Variants in GULP1 observed in about 807,000 individuals in gnomAD.
GULP1 encodes GULP PTB domain containing engulfment adaptor 1, also known as PTB domain-containing engulfment adapter protein 1.
In GULP1, 19 loss-of-function variants were observed where a neutral mutation model predicts 40.9. The ratio of observed to expected loss-of-function variants is 0.46; its 90% CI spans 0.32 to 0.68. The LOEUF is 0.68. GULP1 is among the 30% of genes least tolerant of loss of function. The pLI, the probability that GULP1 is intolerant of heterozygous loss-of-function variation, is 0.03. For synonymous variants in GULP1, 119 were observed against 117.6 expected (o/e 1.01, Z -0.08); for missense variants, 312 against 362.2 (o/e 0.86, Z 1.12).
chr2:188,344,210 T>G (rs1404268044), intron 1 of GULP1, among the ~76,000 whole-genome samples: 1 of 152,208 alleles, frequency 6.6e-6, no homozygotes, highest in Non-Finnish European at 1.5e-5. Context: ...TGAGGATATA[T>G]GCTTGTTTGG....
intron 7 of GULP1, among the ~76,000 whole-genome samples, chr2:188,558,148 A>G (rs1249431208): frequency 6.6e-6 from 1 of 152,098 alleles, no homozygotes; most frequent in Non-Finnish European, 1.5e-5. Context: ...CCTCTTTTCT[A>G]CCACATGGCC....
chr2:188,559,508 G>A (rs1695698621), intron 7 of GULP1, among the ~76,000 whole-genome samples: 1 of 152,196 alleles, frequency 6.6e-6, no homozygotes, highest in Admixed American at 6.5e-5. Context: ...CCCCCATACA[G>A]AGTCCCCACT....
chr2:188,408,939 G>A (rs1305166872), intron 2 of GULP1, among the ~76,000 whole-genome samples: 1 of 152,064 alleles, frequency 6.6e-6, no homozygotes, highest in African/African-American at 2.4e-5. Context: ...AATATCTTTA[G>A]ACAAGTGAAA....
chr2:188,345,455 C>T (rs1410597976), intron 1 of GULP1, among the ~76,000 whole-genome samples: 1 of 152,110 alleles, frequency 6.6e-6, no homozygotes, highest in Admixed American at 6.5e-5. Context: ...CCCAGGAAGA[C>T]AGGGGAACAA....
At chr2:188,293,794 AG>A (rs1248826744) in intron 1 of GULP1, 3 of 152,318 alleles carry the variant, frequency 2.0e-5, no homozygotes, top group African/African-American at 7.2e-5. Context: ...AAAAAAAGAG[AG>A]GAACCTGGCC....
At chr2:188,568,612 T>A (rs1698339199) in intron 7 of GULP1, among the ~76,000 whole-genome samples, 1 of 152,188 alleles carries the variant, frequency 6.6e-6, no homozygotes, top group African/African-American at 2.4e-5. Flanking sequence ...GGAGCTCTCA[T>A]ATAAAATTTC....
intron 1 of GULP1, among the ~76,000 whole-genome samples, chr2:188,377,104 G>A (rs1186303888): frequency 6.6e-6 from 1 of 151,898 alleles, no homozygotes; most frequent in African/African-American, 2.4e-5. Flanking sequence ...CCTGGGAGGC[G>A]GAGGTTGTGG....
chr2:188,501,635 T>C (rs531034823), intron 4 of GULP1, among the ~76,000 whole-genome samples: 4 of 152,050 alleles, frequency 2.6e-5, no homozygotes, highest in African/African-American at 9.6e-5. Context: ...GAAATGCCTC[T>C]TGTTAAAGAT....
intron 1 of GULP1, among the ~76,000 whole-genome samples, chr2:188,351,446 G>A (rs939270090): frequency 2.6e-5 from 4 of 152,070 alleles, no homozygotes; most frequent in Non-Finnish European, 5.9e-5. Flanking sequence ...ATGAGGGGTA[G>A]TAGGCTTTAA....
At chr2:188,470,958 G>C (rs888993888) in intron 2 of GULP1, among the ~76,000 whole-genome samples, 3 of 152,054 alleles carry the variant, frequency 2.0e-5, no homozygotes, top group Non-Finnish European at 4.4e-5. Context: ...GTTTGAAGTT[G>C]CTTTGTTAAT....
At chr2:188,520,069 C>G (rs2065586694) in intron 4 of GULP1, among the ~76,000 whole-genome samples, 1 of 152,168 alleles carries the variant, frequency 6.6e-6, no homozygotes, top group Non-Finnish European at 1.5e-5. Flanking sequence ...TGGCTGTCTT[C>G]CAATCTTGAT....
At chr2:188,469,810 C>T (rs541663123) in intron 2 of GULP1, among the ~76,000 whole-genome samples, 2 of 152,118 alleles carry the variant, frequency 1.3e-5, no homozygotes, top group African/African-American at 2.4e-5. Context: ...TTGAAATGAT[C>T]GTATGGTTTT....
chr2:188,424,213 TTTA>T (rs2055842545), intron 2 of GULP1, among the ~76,000 whole-genome samples: 1 of 151,852 alleles, frequency 6.6e-6, no homozygotes, highest in Non-Finnish European at 1.5e-5. Flanking sequence ...TTGCAAATAT[TTTA>T]TTGTTTTAAA....
chr2:188,472,451 C>G (rs1008044295), intron 2 of GULP1, among the ~76,000 whole-genome samples: 2 of 152,018 alleles, frequency 1.3e-5, no homozygotes, highest in Admixed American at 1.3e-4. Flanking sequence ...TCGGCAGGCA[C>G]GCTTCATTCT....
At chr2:188,532,997 T>G (rs1430739228) in intron 6 of GULP1, among the ~76,000 whole-genome samples, 1 of 152,160 alleles carries the variant, frequency 6.6e-6, no homozygotes, top group Non-Finnish European at 1.5e-5. Context: ...ATCATATCTG[T>G]TTGGTTTTTC....
intron 1 of GULP1, among the ~76,000 whole-genome samples, chr2:188,304,958 T>A (rs1407837786): frequency 6.6e-6 from 1 of 152,144 alleles, no homozygotes; most frequent in African/African-American, 2.4e-5. Context: ...TCTAATTCAA[T>A]TCTGACATTA....
At chr2:188,525,265 C>T (rs114845848) in intron 5 of GULP1, among the ~76,000 whole-genome samples, 1,792 of 152,184 alleles carry the variant, frequency 0.012, 10 homozygotes, top group Non-Finnish European at 0.019. Flanking sequence ...GTGGCACACA[C>T]CTGTAATCCC....
At chr2:188,530,035 T>C (rs149703332) in intron 6 of GULP1, among the ~76,000 whole-genome samples, 1 of 152,272 alleles carries the variant, frequency 6.6e-6, no homozygotes, top group African/African-American at 2.4e-5. Flanking sequence ...ACTCACCTGA[T>C]TGGCTATAGC....
intron 1 of GULP1, among the ~76,000 whole-genome samples, chr2:188,359,656 A>G (rs1242927185): frequency 1.3e-5 from 2 of 152,150 alleles, no homozygotes; most frequent in Non-Finnish European, 2.9e-5. Context: ...TATAAGAGCA[A>G]GATGAACTGT....
Sources: gnomAD v4.1 joint callset for allele counts (sites outside exome capture counted in the v4.1 genomes callset) on GRCh38, gnomAD v4.1.1 for gene constraint, MANE v1.5 for transcripts, NCBI Gene and HGNC (gene_info 2026-07-23, HGNC 2026-07-21) for gene names.